Variants in EIF1AX observed in about 807,000 individuals in gnomAD.
EIF1AX encodes the protein eukaryotic translation initiation factor 1A X-linked.
A neutral mutation model predicts 16.1 loss-of-function variants in EIF1AX; 1 was observed. The ratio of observed to expected loss-of-function variants is 0.06; its 90% CI spans 0.02 to 0.30. The LOEUF (loss-of-function observed/expected upper bound fraction) is 0.30, where lower values mean the gene tolerates loss of function less well. EIF1AX is among the 10% of genes least tolerant of loss of function. EIF1AX has a pLI of 1.00. For synonymous variants in EIF1AX, 32 were observed against 37.3 expected, an observed-to-expected ratio of 0.86 and a Z score of 0.51; for missense variants, 11 against 109.1, an observed-to-expected ratio of 0.10 and a Z score of 4.00.
chrX:20,132,499 T>C lies in EIF1AX; in HGVS notation c.256-236A>G, dbSNP rs899220538. ...AGCTTGGGAAATATAGAGATCTCACTTTAATAAGAGCAGAACTGTGCATAC... is the reference window on the plus strand; with the variant it reads ...AGCTTGGGAAATATAGAGATCTCACCTTAATAAGAGCAGAACTGTGCATAC... On this transcript the variant is annotated intron_variant, in intron 4 of 6. Coordinates refer to ENST00000379607, the MANE Select transcript of EIF1AX (RefSeq NM_001412.4). Among the ~76,000 whole-genome samples, 11 of 111,747 alleles carry C rather than the reference T, an allele frequency of 9.8e-5. No individual in the cohort carries two copies. In the Admixed American group the frequency reaches 1.1e-3, roughly 11 times the overall value.
chrX:20,137,885 C>G (rs1039443154), intron 2 of EIF1AX, among the ~76,000 whole-genome samples: 5 of 109,624 alleles, frequency 4.6e-5, no homozygotes, highest in Admixed American at 3.9e-4. Context: ...CTGAACTATA[C>G]GACACATTCT....
At position 20,141,821 on chromosome X, in the gene EIF1AX, TCGG is replaced by T; in HGVS notation, c.-184_-182del. On this transcript the variant is annotated 5_prime_UTR_variant, in exon 1 of 7. Transcript: ENST00000379607. ...TTCAGAGATCCGCCTGCGTCCACGC[TCGG>T]CGGCAGCAAATGGCGCCGCGACTCT... 2.3e-6 allele frequency: 1 copy of T among 432,353 alleles called. No individual in the cohort carries two copies. The highest frequency in any genetic ancestry group is 3.8e-6 in the Non-Finnish European group (1 of 263,672). 35.6% of individuals were successfully genotyped at this position (432,353 alleles called of 1,213,427 possible).
rs375192872 is a variant in EIF1AX at position 20,135,861 on chromosome X, A to C, written c.101-20T>G. On this transcript the variant is annotated intron_variant, in intron 2 of 6. Transcript: ENST00000379607. ...CATACTCTAGCGGGGAGAAAGGAAA[A>C]GGGTATGGAATATTGTTCAACTTTT... The C allele has an allele frequency of 1.2e-5, 13 of 1,097,641 alleles. No individual in the cohort carries two copies. Among genetic ancestry groups the C allele is most frequent in the Middle Eastern group, 2.4e-4 (1 of 4,084 alleles). The allele number at this position is 1,097,641 out of a possible 1,213,427, so 90.5% of individuals were successfully genotyped here.
intron 2 of EIF1AX, among the ~76,000 whole-genome samples, chrX:20,137,942 C>G (rs1185104953): frequency 3.7e-5 from 4 of 108,473 alleles, no homozygotes; most frequent in Non-Finnish European, 7.6e-5. Context: ...TCACTTGAGC[C>G]CAGGAGTTCG....
intron 6 of EIF1AX, among the ~76,000 whole-genome samples, chrX:20,128,936 T>TC (rs2066993158): frequency 9.5e-6 from 1 of 105,242 alleles, no homozygotes; most frequent in South Asian, 4.1e-4. Context: ...GTTCCTTAAT[T>TC]TTTTTTTTTT....
Position 20,126,628 on chromosome X carries a change from C to A in EIF1AX, c.*1678G>T, listed in dbSNP as rs746051561. ...AATTTAGCAAAAACACTTTTATGTA[C>A]AGAAGCCTAAATATCTTAGGAGGTT... On this transcript the variant is annotated 3_prime_UTR_variant, in exon 7 of 7. Transcript: ENST00000379607. The A allele has an allele frequency of 1.5e-4, 20 of 129,214 alleles. No individual in the cohort carries two copies. The East Asian group carries it at 2.5e-3, about 16-fold the overall frequency. The allele number at this position is 129,214 out of a possible 1,213,427, so 10.6% of individuals were successfully genotyped here.
rs2067014690 is a variant in EIF1AX, at chrX:20,135,721, A to G, written c.204+17T>C. 7 of 1,153,348 alleles carry G rather than the reference A, an allele frequency of 6.1e-6. No homozygotes were observed. The East Asian group carries it at 2.1e-4, about 34-fold the overall frequency. ...CCTTAACCAATTTTATATTAAAGTAAAACAAATCACACCTACCTTTTTTCT... is the reference window on the plus strand; with the variant it reads ...CCTTAACCAATTTTATATTAAAGTAGAACAAATCACACCTACCTTTTTTCT... On this transcript the variant is annotated intron_variant, in intron 3 of 6. Transcript: ENST00000379607.
chrX:20,130,160 A>T (rs2066996864), intron 6 of EIF1AX, among the ~76,000 whole-genome samples: 1 of 108,972 alleles, frequency 9.2e-6, no homozygotes, highest in African/African-American at 3.3e-5. Context: ...AAAATTAGCC[A>T]GGCGTGGTGG....
Position 20,124,615 on chromosome X carries a change from A to T in EIF1AX, c.*3691T>A, listed in dbSNP as rs2066978844. 6.5e-6 allele frequency: 1 copy of T among 153,660 alleles called. No individual in the cohort carries two copies. Among genetic ancestry groups the T allele is most frequent in the Non-Finnish European group, 1.3e-5 (1 of 77,624 alleles). 12.7% of individuals were successfully genotyped at this position (153,660 alleles called of 1,213,427 possible). On this transcript the variant is annotated 3_prime_UTR_variant, in exon 7 of 7. Transcript: ENST00000379607. ...CATATGATGGGAAAGGAAACCTCTA[A>T]ATCAGTTAGTACTAATTAGCTGTCA...
At chrX:20,132,361 G>A (rs778195905) in intron 4 of EIF1AX, 98 bp from the exon 5 acceptor site, 44 of 536,878 alleles carry the variant, frequency 8.2e-5, no homozygotes, top group Middle Eastern at 4.7e-4. Flanking sequence ...AAATCTCACC[G>A]TTTTACTATA....
In EIF1AX at chrX:20,125,951, C is replaced by T. The variant is rs1455823919; in HGVS notation, c.*2355G>A. On this transcript the variant is annotated 3_prime_UTR_variant, in exon 7 of 7. Transcript: ENST00000379607. ...AGAAATATTCAACAAACAATGAAAT[C>T]TTGGCTTTTTTTTTTTTTTACACAA... The T allele has an allele frequency of 2.6e-5, 3 of 114,275 alleles. No homozygotes were observed. Among genetic ancestry groups the T allele is most frequent in the African/African-American group, 2.3e-4 (3 of 12,958 alleles). The allele number at this position is 114,275 out of a possible 1,213,427, so 9.4% of individuals were successfully genotyped here.
At chrX:20,133,528 A>G (rs1232341058) in intron 4 of EIF1AX, among the ~76,000 whole-genome samples, 1 of 108,474 alleles carries the variant, frequency 9.2e-6, no homozygotes, top group East Asian at 2.8e-4. Context: ...TTTTTTTTAA[A>G]TCAAAGTATG....
chrX:20,131,680 T>A (rs1246691255), intron 5 of EIF1AX, among the ~76,000 whole-genome samples: 1 of 53,269 alleles, frequency 1.9e-5, no homozygotes, highest in Non-Finnish European at 3.4e-5. Flanking sequence ...TGCTTCATGG[T>A]TTTTTTTTTT....
Position 20,133,987 on chromosome X carries a change from G to A in EIF1AX, c.225C>T (p.Asp75=), listed in dbSNP as rs1387889583. Residue 75 remains aspartate (D), a synonymous_variant, in exon 4 of 7, where the codon GAC becomes GAT. Transcript: ENST00000379607. ...LRKKVWINTS[D]IILVGLRDYQ... ...AGTCTCGGAGACCAACCAAAATAAT[G>A]TCCGAGGTATTTATCCAAACCTACA... 1 of 1,200,290 alleles carries A rather than the reference G, an allele frequency of 8.3e-7. No individual in the cohort carries two copies. Among genetic ancestry groups the A allele is most frequent in the Non-Finnish European group, 1.1e-6 (1 of 890,940 alleles).
At chrX:20,129,868 C>G (rs1223129965) in intron 6 of EIF1AX, among the ~76,000 whole-genome samples, 1 of 112,492 alleles carries the variant, frequency 8.9e-6, no homozygotes, top group Non-Finnish European at 1.9e-5. Flanking sequence ...ATCTATTTTT[C>G]AACTGTCCAC....
intron 4 of EIF1AX, among the ~76,000 whole-genome samples, chrX:20,133,619 C>G (rs747440615): frequency 9.9e-5 from 11 of 110,903 alleles, no homozygotes; most frequent in Non-Finnish European, 1.7e-4. Context: ...CACAGACCCA[C>G]AATGAGTCTA....
chrX:20,128,765 C>T (rs909168013), intron 6 of EIF1AX, among the ~76,000 whole-genome samples: 2 of 111,578 alleles, frequency 1.8e-5, no homozygotes, highest in African/African-American at 3.3e-5. Flanking sequence ...TTAATAATCA[C>T]TCTTTACCAT....
chrX:20,139,232 AAAG>A (rs200806600), intron 1 of EIF1AX, among the ~76,000 whole-genome samples: 1,918 of 112,062 alleles, frequency 0.017, 47 homozygotes, highest in African/African-American at 0.059. Flanking sequence ...CTTAAAAAAT[AAAG>A]AAGATCTGTT....
In EIF1AX at chrX:20,125,711, G is replaced by C. The variant is rs1350572303; in HGVS notation, c.*2595C>G. 2 of 160,321 alleles carry C rather than the reference G, an allele frequency of 1.2e-5. No individual in the cohort carries two copies. Among genetic ancestry groups the C allele is most frequent in the Non-Finnish European group, 2.4e-5 (2 of 82,627 alleles). The allele number at this position is 160,321 out of a possible 1,213,427, so 13.2% of individuals were successfully genotyped here. A position where few individuals can be genotyped will look rare whatever the true frequency, so the allele number is the denominator to read the frequency against. On this transcript the variant is annotated 3_prime_UTR_variant, in exon 7 of 7. Coordinates refer to ENST00000379607, the MANE Select transcript of EIF1AX (RefSeq NM_001412.4). ...ATAATGACAGCAGTTTATACCTATGGAAGATGTTACTGAACATCATAATCT... is the reference window on the plus strand; with the variant it reads ...ATAATGACAGCAGTTTATACCTATGCAAGATGTTACTGAACATCATAATCT...
Sources: allele counts gnomAD v4.1 joint callset (sites outside exome capture counted in the v4.1 genomes callset), GRCh38; gene constraint gnomAD v4.1.1; transcripts MANE v1.5; gene names NCBI Gene and HGNC (gene_info 2026-07-23, HGNC 2026-07-21).